NR2F1-AS1: variants seen among roughly 807,000 people sequenced by gnomAD.
NR2F1-AS1 encodes the protein NR2F1 regulatory antisense RNA 1.
intron 4 of NR2F1-AS1, among the ~76,000 whole-genome samples, chr5:93,431,226 C>T (rs907408310): frequency 4.0e-5 from 6 of 151,788 alleles, no homozygotes; most frequent in African/African-American, 1.5e-4. Context: ...AAGTTATTTC[C>T]AGATGCATAA....
intron 4 of NR2F1-AS1, among the ~76,000 whole-genome samples, chr5:93,456,658 A>G (rs945411555): frequency 6.8e-6 from 1 of 145,986 alleles, no homozygotes; most frequent in Non-Finnish European, 1.5e-5. Context: ...TACATTTTTA[A>G]TTTTTTTTTT....
At chr5:93,573,173 G>A (rs1456432996) in intron 1 of NR2F1-AS1, among the ~76,000 whole-genome samples, 1 of 152,246 alleles carries the variant, frequency 6.6e-6, no homozygotes, top group Non-Finnish European at 1.5e-5. Flanking sequence ...CCTGCCGAAG[G>A]CCCAGAAAGG....
intron 4 of NR2F1-AS1, among the ~76,000 whole-genome samples, chr5:93,455,906 C>T (rs1749937056): frequency 6.6e-6 from 1 of 151,932 alleles, no homozygotes; most frequent in Non-Finnish European, 1.5e-5. Flanking sequence ...AAATCCAACA[C>T]CTATTCATAA....
chr5:93,472,273 G>T (rs1040307611), intron 4 of NR2F1-AS1, among the ~76,000 whole-genome samples: 3 of 151,716 alleles, frequency 2.0e-5, no homozygotes, highest in Non-Finnish European at 4.4e-5. Flanking sequence ...AAATAATTTT[G>T]AAAAGACAAT....
chr5:93,512,667 AG>A (rs2149891513), intron 4 of NR2F1-AS1, among the ~76,000 whole-genome samples: 1 of 152,234 alleles, frequency 6.6e-6, no homozygotes, highest in South Asian at 2.1e-4. Flanking sequence ...TGCCCTATAT[AG>A]GTGTACCATT....
intron 4 of NR2F1-AS1, among the ~76,000 whole-genome samples, chr5:93,450,666 AG>A (rs1306231297): frequency 6.6e-6 from 1 of 152,170 alleles, no homozygotes; most frequent in Non-Finnish European, 1.5e-5. Flanking sequence ...GAAAGTGGTT[AG>A]GGGTGGTAGT....
intron 4 of NR2F1-AS1, among the ~76,000 whole-genome samples, chr5:93,421,714 G>T (rs1033383765): frequency 1.3e-5 from 2 of 152,154 alleles, no homozygotes; most frequent in Non-Finnish European, 1.5e-5. Context: ...CCCCAGGGCC[G>T]CTCCATTGTC....
At chr5:93,419,909 T>C (rs1749052287) in intron 4 of NR2F1-AS1, among the ~76,000 whole-genome samples, 1 of 152,076 alleles carries the variant, frequency 6.6e-6, no homozygotes, top group South Asian at 2.1e-4. Flanking sequence ...AATTATATCA[T>C]CTTGGGGCCG....
chr5:93,563,995 G>C (rs1249868286), intron 1 of NR2F1-AS1, among the ~76,000 whole-genome samples: 1 of 151,028 alleles, frequency 6.6e-6, no homozygotes, highest in Non-Finnish European at 1.5e-5. Flanking sequence ...CCAGCTACCC[G>C]GGAGGCTGAG....
intron 4 of NR2F1-AS1, among the ~76,000 whole-genome samples, chr5:93,432,973 A>G (rs975917683): frequency 6.6e-6 from 1 of 152,246 alleles, no homozygotes; most frequent in Admixed American, 6.5e-5. Context: ...TATACATGCT[A>G]TCACTGGCAC....
intron 2 of NR2F1-AS1, among the ~76,000 whole-genome samples, chr5:93,556,783 G>A (rs189029990): frequency 2.6e-5 from 4 of 152,262 alleles, no homozygotes; most frequent in African/African-American, 9.6e-5. Context: ...ATACCCCTTA[G>A]AAAGAACCAA....
chr5:93,573,611 C>T (rs1752828111), intron 1 of NR2F1-AS1, among the ~76,000 whole-genome samples: 1 of 152,208 alleles, frequency 6.6e-6, no homozygotes, highest in Non-Finnish European at 1.5e-5. Context: ...AATTTCCCAG[C>T]ATAATCCAAT....
chr5:93,430,560 C>T (rs1472602476), intron 4 of NR2F1-AS1, among the ~76,000 whole-genome samples: 1 of 152,140 alleles, frequency 6.6e-6, no homozygotes, highest in African/African-American at 2.4e-5. Flanking sequence ...TCAAAAAATA[C>T]TCCAAACAAG....
chr5:93,526,947 T>C (rs986518865), intron 4 of NR2F1-AS1, among the ~76,000 whole-genome samples: 3 of 152,120 alleles, frequency 2.0e-5, no homozygotes, highest in Non-Finnish European at 4.4e-5. Flanking sequence ...AAGAAAAGGA[T>C]GACCTCTCTC....
At chr5:93,552,481 CT>C (rs1346991144) in intron 4 of NR2F1-AS1, among the ~76,000 whole-genome samples, 1 of 152,090 alleles carries the variant, frequency 6.6e-6, no homozygotes, top group African/African-American at 2.4e-5. Context: ...CCAGAAGCCT[CT>C]TTCAAAAACA....
At chr5:93,516,695 C>T (rs1274840884) in intron 4 of NR2F1-AS1, among the ~76,000 whole-genome samples, 3 of 151,920 alleles carry the variant, frequency 2.0e-5, no homozygotes. Context: ...CCCAGATGTT[C>T]TGACTCTTCA....
At chr5:93,420,853 T>C (rs1053082475) in intron 4 of NR2F1-AS1, among the ~76,000 whole-genome samples, 1 of 152,170 alleles carries the variant, frequency 6.6e-6, no homozygotes, top group Admixed American at 6.5e-5. Flanking sequence ...GCTACAGTCA[T>C]GACAAAAACT....
At chr5:93,580,171 G>A (rs1580351960) in intron 1 of NR2F1-AS1, among the ~76,000 whole-genome samples, 1 of 152,224 alleles carries the variant, frequency 6.6e-6, no homozygotes, top group East Asian at 1.9e-4. Context: ...GAGAGAGAGG[G>A]AATAGCGGGT....
intron 4 of NR2F1-AS1, among the ~76,000 whole-genome samples, chr5:93,472,257 TTAAA>T (rs1370108223): frequency 5.3e-5 from 8 of 151,850 alleles, no homozygotes; most frequent in Admixed American, 1.3e-4. Flanking sequence ...CTGTAAAGCA[TTAAA>T]TAAATAATTT....
Sources: gnomAD v4.1 joint callset for allele counts (sites outside exome capture counted in the v4.1 genomes callset) on GRCh38, gnomAD v4.1.1 for gene constraint, MANE v1.5 for transcripts, NCBI Gene and HGNC (gene_info 2026-07-23, HGNC 2026-07-21) for gene names.